Variants in PLEKHA7 observed in about 807,000 individuals in gnomAD.
PLEKHA7 encodes the protein pleckstrin homology domain-containing family A member 7.
A neutral mutation model predicts 170.0 loss-of-function variants in PLEKHA7; 104 were observed. The observed-to-expected ratio is 0.61, with a 90% confidence interval of 0.52 to 0.72. The LOEUF (loss-of-function observed/expected upper bound fraction) is 0.72, where lower values mean the gene tolerates loss of function less well. Ranked by LOEUF, PLEKHA7 falls within the 30% of genes least tolerant of loss-of-function variation. PLEKHA7 has a pLI of 0.00. For missense variants in PLEKHA7, 1,615 were observed against 1,671.7 expected (o/e 0.97, Z 0.59); for synonymous variants, 648 against 660.8 (o/e 0.98, Z 0.30).
At chr11:16,937,781 T>G (rs541168110) in intron 3 of PLEKHA7, among the ~76,000 whole-genome samples, 6 of 152,208 alleles carry the variant, frequency 3.9e-5, no homozygotes, top group African/African-American at 1.4e-4. Flanking sequence ...GCTAATTTTG[T>G]ATTTTTAGTA....
intron 13 of PLEKHA7, among the ~76,000 whole-genome samples, chr11:16,808,267 A>G (rs78240077): frequency 0.013 from 1,977 of 152,292 alleles, 42 homozygotes; most frequent in African/African-American, 0.046. Flanking sequence ...GGACCCAGAC[A>G]TTTATATTCA....
At chr11:16,979,780 G>A (rs752256998) in intron 3 of PLEKHA7, among the ~76,000 whole-genome samples, 9 of 151,590 alleles carry the variant, frequency 5.9e-5, no homozygotes, top group Admixed American at 3.3e-4. Context: ...ATCTTGAGTC[G>A]CAGCAATTCT....
intron 3 of PLEKHA7, among the ~76,000 whole-genome samples, chr11:16,899,383 G>C (rs902904595): frequency 2.0e-5 from 3 of 152,170 alleles, no homozygotes; most frequent in South Asian, 2.1e-4. Flanking sequence ...TGTAATCCCA[G>C]CTACTAGGGA....
At chr11:16,829,431 T>G (rs1850928910) in intron 9 of PLEKHA7, among the ~76,000 whole-genome samples, 1 of 152,184 alleles carries the variant, frequency 6.6e-6, no homozygotes, top group Non-Finnish European at 1.5e-5. Flanking sequence ...GAGGGCCCAT[T>G]CATTGTTAAC....
rs780265452 is a variant in PLEKHA7, at chr11:16,849,956, G to A, written c.696+1235C>T. Among the ~76,000 whole-genome samples, 83 of 152,240 alleles carry A rather than the reference G, an allele frequency of 5.5e-4. 1 individual carries two copies. Among genetic ancestry groups the A allele is most frequent in the Non-Finnish European group, 1.0e-3 (71 of 68,006 alleles). On this transcript the variant is annotated intron_variant, in intron 8 of 26. Transcript: ENST00000531066. The stretch of plus-strand genomic sequence containing the variant: ...ATCAGCTCAGTTCTGTGCCTCCTTA[G>A]GAAGGAAAGGTAGAAGGAAGATGAG...
chr11:16,994,342 C>T (rs1035793767), intron 3 of PLEKHA7, among the ~76,000 whole-genome samples: 1 of 152,178 alleles, frequency 6.6e-6, no homozygotes, highest in African/African-American at 2.4e-5. Flanking sequence ...ACTAGGTCCC[C>T]CAGGGACACT....
intron 20 of PLEKHA7, 30 bp downstream of exon 20, chr11:16,790,981 A>T (rs2134220435): frequency 1.9e-6 from 3 of 1,613,958 alleles, no homozygotes; most frequent in Non-Finnish European, 1.7e-6. Context: ...CCCCACATGT[A>T]GAGTGGCAGC....
chr11:16,777,653 A>G lies in PLEKHA7; in HGVS notation c.*1345T>C, dbSNP rs898320710. 1.3e-5 allele frequency: 2 copies of G among 152,258 alleles called. No individual in the cohort carries two copies. The allele number at this position is 152,258 out of a possible 1,614,324, so 9.4% of individuals were successfully genotyped here. A position where few individuals can be genotyped will look rare whatever the true frequency, so the allele number is the denominator to read the frequency against. ...AATAATATAAGAAAACAACTTAAAT[A>G]AAGGGCCACAAACACTGCACCTGGC... On this transcript the variant is annotated 3_prime_UTR_variant, in exon 27 of 27. Transcript: ENST00000531066.
chr11:16,959,748 C>T (rs911699203), intron 3 of PLEKHA7, among the ~76,000 whole-genome samples: 2 of 152,208 alleles, frequency 1.3e-5, no homozygotes, highest in African/African-American at 2.4e-5. Context: ...TGTTAATTAA[C>T]GCCCCTGAGA....
At chr11:16,951,465 T>A (rs550254717) in intron 3 of PLEKHA7, among the ~76,000 whole-genome samples, 2 of 152,318 alleles carry the variant, frequency 1.3e-5, no homozygotes, top group African/African-American at 4.8e-5. Flanking sequence ...ATTGTCTCAC[T>A]GAATCCTTAT....
chr11:16,985,361 A>C (rs1863661163), intron 3 of PLEKHA7, among the ~76,000 whole-genome samples: 1 of 152,242 alleles, frequency 6.6e-6, no homozygotes, highest in Non-Finnish European at 1.5e-5. Flanking sequence ...CCTTTTGGCT[A>C]ATATCAAGTA....
chr11:16,840,228 C>T (rs1246621478), intron 9 of PLEKHA7, among the ~76,000 whole-genome samples: 3 of 152,158 alleles, frequency 2.0e-5, no homozygotes, highest in African/African-American at 7.2e-5. Context: ...ACTCACCAGA[C>T]ATTTGAGAGC....
intron 3 of PLEKHA7, among the ~76,000 whole-genome samples, chr11:17,008,631 G>A (rs1865152881): frequency 6.6e-6 from 1 of 152,176 alleles, no homozygotes; most frequent in Admixed American, 6.5e-5. Flanking sequence ...CTCAAGAGAT[G>A]CCAAGTGCCT....
chr11:16,990,916 A>G (rs1477930291), intron 3 of PLEKHA7, among the ~76,000 whole-genome samples: 3 of 152,216 alleles, frequency 2.0e-5, no homozygotes, highest in Non-Finnish European at 4.4e-5. Context: ...TGGCTCTGAG[A>G]ACTCAATGGG....
chr11:16,937,006 T>C (rs138385739), intron 3 of PLEKHA7, among the ~76,000 whole-genome samples: 99 of 152,334 alleles, frequency 6.5e-4, no homozygotes, highest in East Asian at 2.3e-3. Context: ...GTCTCCCTCA[T>C]CTTTGAGGAC....
chr11:17,008,808 T>A (rs1169074983), intron 3 of PLEKHA7, among the ~76,000 whole-genome samples: 2 of 152,142 alleles, frequency 1.3e-5, no homozygotes, highest in African/African-American at 4.8e-5. Context: ...GGGAACGGAA[T>A]TCACAAGGTT....
At chr11:16,908,827 C>G (rs1287392705) in intron 3 of PLEKHA7, among the ~76,000 whole-genome samples, 1 of 152,160 alleles carries the variant, frequency 6.6e-6, no homozygotes, top group East Asian at 1.9e-4. Flanking sequence ...TAATGCTACC[C>G]AGCCTGTGTT....
intron 3 of PLEKHA7, among the ~76,000 whole-genome samples, chr11:16,978,738 G>A (rs1241849099): frequency 6.6e-6 from 1 of 152,198 alleles, no homozygotes; most frequent in East Asian, 1.9e-4. Flanking sequence ...TACCCTGGAA[G>A]GACGGAGTCA....
intron 8 of PLEKHA7, among the ~76,000 whole-genome samples, chr11:16,844,473 G>C (rs1210677474): frequency 6.6e-6 from 1 of 152,196 alleles, no homozygotes; most frequent in Non-Finnish European, 1.5e-5. Context: ...ATCTGGCCAA[G>C]TGACCCAAGT....
Sources: allele counts gnomAD v4.1 joint callset (sites outside exome capture counted in the v4.1 genomes callset), GRCh38; gene constraint gnomAD v4.1.1; transcripts MANE v1.5; gene names NCBI Gene and HGNC (gene_info 2026-07-23, HGNC 2026-07-21).